The following FARP1 variants were observed in gnomAD, a reference collection of about 807,000 sequenced individuals.
The protein encoded by FARP1 is FERM, ARHGEF and pleckstrin domain-containing protein 1.
A neutral mutation model predicts 128.8 loss-of-function variants in FARP1; 52 were observed. The ratio of observed to expected loss-of-function variants is 0.40; its 90% CI spans 0.32 to 0.51. The LOEUF (loss-of-function observed/expected upper bound fraction) is 0.51, where lower values mean the gene tolerates loss of function less well. Among genes scored for constraint, FARP1 ranks in the 20% least tolerant of loss-of-function variants. The pLI is 0.45. For synonymous variants in FARP1, 580 were observed against 551.8 expected (o/e 1.05, Z -0.72); for missense variants, 1,333 against 1,367.9 (o/e 0.97, Z 0.40).
intron 1 of FARP1, among the ~76,000 whole-genome samples, chr13:98,151,790 T>A (rs1008835139): frequency 6.7e-6 from 1 of 150,080 alleles, no homozygotes; most frequent in African/African-American, 2.4e-5. Flanking sequence ...GCATCCCAAG[T>A]AGCTGAGATT....
chr13:98,197,878 G>A (rs1287139007), intron 1 of FARP1, among the ~76,000 whole-genome samples: 4 of 151,900 alleles, frequency 2.6e-5, no homozygotes, highest in East Asian at 3.9e-4. Flanking sequence ...CTCGTGATCC[G>A]TTCGCCTCGT....
intron 5 of FARP1, among the ~76,000 whole-genome samples, chr13:98,370,275 C>G (rs1174446830): frequency 6.6e-6 from 1 of 152,138 alleles, no homozygotes; most frequent in Non-Finnish European, 1.5e-5. Flanking sequence ...TAAAGGAGGG[C>G]CAGCATGGCA....
In FARP1 at chr13:98,331,147, G is replaced by A. The variant is rs559538491; in HGVS notation, c.172-12615G>A. ...TAACACCTAAGGAAACTGGTTGTCT[G>A]ATACTCATATTTTTAAAAAATGTGC... On this transcript the variant is annotated intron_variant, in intron 2 of 26. Transcript: ENST00000319562. Among the ~76,000 whole-genome samples the A allele has an allele frequency of 2.6e-5, 4 of 152,302 alleles. No individual in the cohort carries two copies. The East Asian group carries it at 7.7e-4, about 29-fold the overall frequency.
intron 16 of FARP1, among the ~76,000 whole-genome samples, chr13:98,419,184 A>G (rs1014062067): frequency 6.6e-6 from 1 of 152,142 alleles, no homozygotes; most frequent in South Asian, 2.1e-4. Context: ...GTCATACACA[A>G]TATGTTAGGT....
At chr13:98,350,941 C>T (rs1459716793) in intron 3 of FARP1, among the ~76,000 whole-genome samples, 1 of 152,006 alleles carries the variant, frequency 6.6e-6, no homozygotes, top group Non-Finnish European at 1.5e-5. Flanking sequence ...CACCCCAGAG[C>T]CCACGGAAAT....
intron 24 of FARP1, among the ~76,000 whole-genome samples, chr13:98,443,505 TCTC>T (rs1170529999): frequency 6.6e-6 from 1 of 152,104 alleles, no homozygotes; most frequent in African/African-American, 2.4e-5. Flanking sequence ...AGCAGCTCCA[TCTC>T]CTCCTGACTC....
chr13:98,409,337 G>T lies in FARP1; in HGVS notation c.1415-1G>T. 1 of 1,594,522 alleles carries T rather than the reference G, an allele frequency of 6.3e-7. No individual in the cohort carries two copies. Among genetic ancestry groups the T allele is most frequent in the Non-Finnish European group, 8.6e-7 (1 of 1,167,408 alleles). On this transcript the variant is annotated splice_acceptor_variant, in intron 13 of 26. Transcript: ENST00000319562. LOFTEE classifies it high-confidence loss of function. ...CTTTAAAACTTCTCATCCCCAAACA[G>T]GCTCCCTGACTGGCAGTCCTCACCT...
intron 2 of FARP1, among the ~76,000 whole-genome samples, chr13:98,248,434 C>T (rs1046702458): frequency 8.5e-5 from 13 of 152,102 alleles, no homozygotes; most frequent in South Asian, 6.2e-4. Context: ...ATACAGTATC[C>T]TTTTATAGGA....
At chr13:98,245,289 G>A (rs1882995956) in intron 2 of FARP1, 1 of 985,470 alleles carries the variant, frequency 1.0e-6, no homozygotes, top group Non-Finnish European at 1.2e-6. Flanking sequence ...GGCGAATAAA[G>A]TCAGATCTAC....
At chr13:98,437,995 G>C (rs965771059) in intron 19 of FARP1, 3 of 673,168 alleles carry the variant, frequency 4.5e-6, no homozygotes, top group Non-Finnish European at 7.6e-6. Context: ...GGAGGCGCCT[G>C]AGGGAGCACG....
intron 2 of FARP1, among the ~76,000 whole-genome samples, chr13:98,213,641 G>A (rs764952069): frequency 6.6e-6 from 1 of 152,120 alleles, no homozygotes; most frequent in Non-Finnish European, 1.5e-5. Flanking sequence ...AGTGGCCTCG[G>A]CACTTGAATT....
intron 2 of FARP1, among the ~76,000 whole-genome samples, chr13:98,224,970 C>T (rs1294690705): frequency 6.6e-6 from 1 of 152,200 alleles, no homozygotes; most frequent in Non-Finnish European, 1.5e-5. Context: ...CTTCACATGG[C>T]AGGCATCAAT....
intron 2 of FARP1, among the ~76,000 whole-genome samples, chr13:98,277,926 C>T (rs549780041): frequency 1.3e-5 from 1 of 76,062 alleles, no homozygotes; most frequent in Non-Finnish European, 2.5e-5. Flanking sequence ...TATTGTGCAG[C>T]GAGGGTCAAA....
intron 2 of FARP1, among the ~76,000 whole-genome samples, chr13:98,305,357 C>T (rs138181563): frequency 0.013 from 1,899 of 150,824 alleles, 43 homozygotes; most frequent in African/African-American, 0.043. Flanking sequence ...GACGGAGTTT[C>T]GCTCTTGTTG....
At chr13:98,201,812 G>A (rs570461623) in intron 1 of FARP1, among the ~76,000 whole-genome samples, 1 of 152,180 alleles carries the variant, frequency 6.6e-6, no homozygotes, top group African/African-American at 2.4e-5. Flanking sequence ...ACAGTGAAGC[G>A]AGAATCTTGA....
intron 18 of FARP1, 57 bp downstream of exon 18, chr13:98,431,337 T>A: frequency 7.9e-7 from 1 of 1,271,696 alleles, no homozygotes; most frequent in Non-Finnish European, 1.1e-6. Context: ...GGCCGGGTGC[T>A]CCCAGACTGA....
At chr13:98,405,966 G>C (rs1890955678) in intron 13 of FARP1, 1 of 152,168 alleles carries the variant, frequency 6.6e-6, no homozygotes, top group Admixed American at 6.5e-5. Flanking sequence ...ATCAAACCGG[G>C]CTCATTTTAC....
At chr13:98,392,901 T>C in intron 11 of FARP1, among the ~76,000 whole-genome samples, 1 of 152,118 alleles carries the variant, frequency 6.6e-6, no homozygotes, top group African/African-American at 2.4e-5. Context: ...GAAAACCATG[T>C]AAGAAATAGC....
chr13:98,290,610 G>A (rs1395321961), intron 2 of FARP1, among the ~76,000 whole-genome samples: 3 of 152,094 alleles, frequency 2.0e-5, no homozygotes, highest in Non-Finnish European at 4.4e-5. Context: ...TCTGAAGGAC[G>A]GATCTGACCT....
Sources: allele counts gnomAD v4.1 joint callset (sites outside exome capture counted in the v4.1 genomes callset), GRCh38; gene constraint gnomAD v4.1.1; transcripts MANE v1.5; gene names NCBI Gene and HGNC (gene_info 2026-07-23, HGNC 2026-07-21).